The following PLXNC1 variants were observed in gnomAD, a reference collection of about 807,000 sequenced individuals.
The protein encoded by PLXNC1 is plexin C1.
A neutral mutation model predicts 178.2 loss-of-function variants in PLXNC1; 75 were observed. That is an observed-to-expected ratio of 0.42 (90% confidence interval 0.35 to 0.51). The LOEUF (loss-of-function observed/expected upper bound fraction) is 0.51. Among genes scored for constraint, PLXNC1 ranks in the 20% least tolerant of loss-of-function variants. The pLI is 0.02. For synonymous variants in PLXNC1, 790 were observed against 779.9 expected, an observed-to-expected ratio of 1.01 and a Z score of -0.22; for missense variants, 1,503 against 1,984.4, an observed-to-expected ratio of 0.76 and a Z score of 4.61.
At chr12:94,202,379 G>A (rs1565807530) in intron 4 of PLXNC1, among the ~76,000 whole-genome samples, 1 of 152,230 alleles carries the variant, frequency 6.6e-6, no homozygotes, top group East Asian at 1.9e-4. Flanking sequence ...GCCAGGTATG[G>A]TCTTAGGCCC....
intron 4 of PLXNC1, among the ~76,000 whole-genome samples, chr12:94,199,322 G>C (rs1443202248): frequency 6.6e-6 from 1 of 152,192 alleles, no homozygotes; most frequent in Non-Finnish European, 1.5e-5. Flanking sequence ...CTTCTTTATG[G>C]TCCAGTGAGG....
chr12:94,287,788 G>C (rs1966870397), intron 23 of PLXNC1, among the ~76,000 whole-genome samples: 1 of 152,206 alleles, frequency 6.6e-6, no homozygotes, highest in Admixed American at 6.5e-5. Context: ...CTAAAGGTCT[G>C]TTGCAGTGTG....
In PLXNC1 at chr12:94,149,920, G is replaced by T. The variant is rs758612505; in HGVS notation, c.949G>T (p.Gly317Cys). ...AGTGTTCAGCGCGGCCGCTGGAGAG[G>T]GCCAGGAGCGGCGCTCCCCCACCAC... ...AGVFSAAAGE[G>C]QERRSPTTTA... Residue 317 changes from glycine to cysteine, a missense_variant, in exon 1 of 31, where the codon GGC becomes TGC. By Grantham distance (159) the Gly-to-Cys change is radical. This residue lies in a region of PLXNC1 where 615 missense variants were observed against 698.6 expected (regional missense o/e 0.88). Transcript: ENST00000258526. 6.3e-7 allele frequency: 1 copy of T among 1,587,582 alleles called. No individual in the cohort carries two copies. The highest frequency in any genetic ancestry group is 8.6e-7 in the Non-Finnish European group (1 of 1,167,914).
intron 6 of PLXNC1, among the ~76,000 whole-genome samples, chr12:94,223,572 A>G (rs1422337578): frequency 3.3e-5 from 5 of 152,256 alleles, no homozygotes; most frequent in Non-Finnish European, 7.3e-5. Flanking sequence ...TACCTTGGAT[A>G]GAGCATATAT....
At chr12:94,231,255 T>C (rs1964092048) in intron 9 of PLXNC1, among the ~76,000 whole-genome samples, 1 of 152,086 alleles carries the variant, frequency 6.6e-6, no homozygotes, top group Non-Finnish European at 1.5e-5. Context: ...GACACATGAA[T>C]GCGGGTATTT....
intron 10 of PLXNC1, among the ~76,000 whole-genome samples, chr12:94,239,530 T>C (rs912625709): frequency 3.9e-5 from 6 of 152,244 alleles, no homozygotes; most frequent in Non-Finnish European, 2.9e-5. Flanking sequence ...TTAATCATCA[T>C]GCACATGGCC....
rs368523456 is a variant in PLXNC1 at position 94,149,760 on chromosome 12, C to T, written c.789C>T (p.Ser263=). 1.2e-6 allele frequency: 2 copies of T among 1,609,586 alleles called. No individual in the cohort carries two copies. The highest frequency in any genetic ancestry group is 8.5e-7 in the Non-Finnish European group (1 of 1,179,278). ...YTSGAATGWP[S]MARIAQSTEV... is the part of the protein sequence containing the mutation. The stretch of plus-strand genomic sequence containing the variant: ...GCGGCGCTGCCACCGGCTGGCCCAG[C>T]ATGGCGCGCATCGCGCAGAGCACCG... Residue 263 remains serine (S), a synonymous_variant, in exon 1 of 31, where the codon AGC becomes AGT. Coordinates refer to ENST00000258526, the MANE Select transcript of PLXNC1 (RefSeq NM_005761.3).
At position 94,253,077 on chromosome 12, in the gene PLXNC1, G is replaced by C. The variant is rs559087005; in HGVS notation, c.2881+1549G>C. On this transcript the variant is annotated intron_variant, in intron 15 of 30. Coordinates refer to ENST00000258526, the MANE Select transcript of PLXNC1 (RefSeq NM_005761.3). ...AATACAAAAATTAGCTGAGTGTGGTGGCACGTGCCTGTAATCCCAGCTACT... is the reference window on the plus strand; with the variant it reads ...AATACAAAAATTAGCTGAGTGTGGTCGCACGTGCCTGTAATCCCAGCTACT... Among the ~76,000 whole-genome samples, 3 of 152,062 alleles carry C rather than the reference G, an allele frequency of 2.0e-5. No homozygotes were observed. The South Asian group carries it at 6.2e-4, about 32-fold the overall frequency.
intron 4 of PLXNC1, among the ~76,000 whole-genome samples, chr12:94,205,595 T>C (rs537718527): frequency 1.3e-5 from 2 of 152,334 alleles, no homozygotes; most frequent in African/African-American, 4.8e-5. Flanking sequence ...GATTTCTAAG[T>C]CCAGGGCCGC....
intron 22 of PLXNC1, chr12:94,282,068 T>G: frequency 4.3e-6 from 2 of 461,502 alleles, no homozygotes; most frequent in Non-Finnish European, 7.9e-6. Flanking sequence ...CTTCAGTGGC[T>G]TTACTTCCAG....
chr12:94,153,674 G>A (rs1051635812), intron 1 of PLXNC1, among the ~76,000 whole-genome samples: 1 of 152,162 alleles, frequency 6.6e-6, no homozygotes, highest in African/African-American at 2.4e-5. Flanking sequence ...AGGGTAGTAC[G>A]TTTTCCTGCA....
chr12:94,171,235 TGAG>T (rs1592729551), intron 2 of PLXNC1, among the ~76,000 whole-genome samples: 2 of 152,210 alleles, frequency 1.3e-5, no homozygotes, highest in Non-Finnish European at 2.9e-5. Flanking sequence ...TTCATGCTGC[TGAG>T]GAGGCCGCAG....
chr12:94,287,729 C>T (rs949218409), intron 23 of PLXNC1, among the ~76,000 whole-genome samples: 12 of 152,198 alleles, frequency 7.9e-5, no homozygotes, highest in African/African-American at 2.7e-4. Context: ...GTCAGCAATG[C>T]TTCTGGTCAA....
intron 12 of PLXNC1, among the ~76,000 whole-genome samples, chr12:94,247,515 C>T (rs1333379408): frequency 6.6e-6 from 1 of 152,096 alleles, no homozygotes; most frequent in East Asian, 1.9e-4. Context: ...GACAGGCTGA[C>T]CCCAAGGACA....
intron 1 of PLXNC1, among the ~76,000 whole-genome samples, chr12:94,166,524 G>GTATTATTATTAT (rs55733946): frequency 5.6e-5 from 8 of 144,088 alleles, no homozygotes; most frequent in African/African-American, 1.3e-4. Flanking sequence ...ATGTTAGCTG[G>GTATTATTATTAT]TATTATTATT....
chr12:94,209,473 G>A (rs2610671), intron 4 of PLXNC1, 117 bp from the exon 5 acceptor site: 679,686 of 679,688 alleles, frequency 1, 339,842 homozygotes, highest in Middle Eastern at 1. Flanking sequence ...CACTGTACAA[G>A]GTCTGGCATT....
rs370973243 is a variant in PLXNC1 at position 94,220,075 on chromosome 12, T to C, written c.1614T>C (p.Asn538=). 1.5e-5 allele frequency: 24 copies of C among 1,613,818 alleles called. No individual in the cohort carries two copies. Among genetic ancestry groups the C allele is most frequent in the Non-Finnish European group, 1.9e-5 (23 of 1,179,866 alleles). The change falls in exon 6 of 31, where the codon AAT becomes AAC. Residue 538 remains asparagine (N), a synonymous_variant. Coordinates refer to ENST00000258526, the MANE Select transcript of PLXNC1 (RefSeq NM_005761.3). ...SPRHSKCMVK[N]VDSSRELCQN... is the part of the protein sequence containing the mutation. ...GACACTCAAAGTGCATGGTGAAGAA[T>C]GTGGACTCTAGCAGGGAGCTCTGCC...
intron 4 of PLXNC1, among the ~76,000 whole-genome samples, chr12:94,195,211 A>G (rs10745679): frequency 0.86 from 130,715 of 152,098 alleles, 56,189 homozygotes; most frequent in East Asian, 0.97. Context: ...AGATTATCCC[A>G]CTGGCAGTGT....
At chr12:94,201,775 T>C (rs1034026938) in intron 4 of PLXNC1, among the ~76,000 whole-genome samples, 11 of 125,242 alleles carry the variant, frequency 8.8e-5, no homozygotes, top group Non-Finnish European at 1.2e-4. Context: ...TTTTTTTTTT[T>C]TTTTTTTTTT....
Sources: gnomAD v4.1 joint callset for allele counts (sites outside exome capture counted in the v4.1 genomes callset) on GRCh38, gnomAD v4.1.1 for gene constraint, gnomAD v4.1.1 regional missense constraint, MANE v1.5 for transcripts, NCBI Gene and HGNC (gene_info 2026-07-23, HGNC 2026-07-21) for gene names.